The following CYP39A1 variants were observed in gnomAD, a reference collection of about 807,000 sequenced individuals.
CYP39A1 encodes 24-hydroxycholesterol 7-alpha-hydroxylase.
CYP39A1 carries 49 observed loss-of-function variants against 58.1 expected under a neutral mutation model. The ratio of observed to expected loss-of-function variants is 0.84; its 90% CI spans 0.67 to 1.07. The LOEUF (loss-of-function observed/expected upper bound fraction) is 1.07. Among genes scored for constraint, CYP39A1 ranks in the 50% least tolerant of loss-of-function variants. CYP39A1 has a pLI of 0.00. For synonymous variants in CYP39A1, 209 were observed against 187.6 expected, an observed-to-expected ratio of 1.11 and a Z score of -0.93; for missense variants, 531 against 539.4, an observed-to-expected ratio of 0.98 and a Z score of 0.16.
intron 7 of CYP39A1, among the ~76,000 whole-genome samples, chr6:46,597,588 G>A (rs1476429172): frequency 6.6e-6 from 1 of 152,056 alleles, no homozygotes; most frequent in Middle Eastern, 3.2e-3. Context: ...ACATAGGGAG[G>A]TGAATGGGTG....
chr6:46,650,405 C>A (rs1290650099), intron 1 of CYP39A1, among the ~76,000 whole-genome samples: 1 of 146,700 alleles, frequency 6.8e-6, no homozygotes, highest in Non-Finnish European at 1.5e-5. Context: ...TCATACTGCC[C>A]AGATTAAGGG....
intron 10 of CYP39A1, among the ~76,000 whole-genome samples, chr6:46,579,270 T>G (rs1771999742): frequency 1.3e-5 from 2 of 152,098 alleles, no homozygotes; most frequent in Non-Finnish European, 2.9e-5. Flanking sequence ...CATGATCATC[T>G]CAATAGATGC....
At chr6:46,551,805 C>T (rs534923856) in intron 11 of CYP39A1, among the ~76,000 whole-genome samples, 9 of 152,236 alleles carry the variant, frequency 5.9e-5, no homozygotes, top group South Asian at 2.1e-4. Context: ...GGTGATTTGA[C>T]GGCCATTTCC....
chr6:46,610,307 G>A (rs13219874), intron 7 of CYP39A1, among the ~76,000 whole-genome samples: 18,961 of 152,004 alleles, frequency 0.12, 1,223 homozygotes, highest in Middle Eastern at 0.19. Context: ...ATTAAAATCT[G>A]GCCTTAATTA....
intron 7 of CYP39A1, among the ~76,000 whole-genome samples, chr6:46,617,747 T>C (rs1774698044): frequency 6.6e-6 from 1 of 152,086 alleles, no homozygotes; most frequent in South Asian, 2.1e-4. Context: ...GTGCATAAAA[T>C]AGGGCAAACA....
chr6:46,580,767 G>A (rs1003474693), intron 10 of CYP39A1, among the ~76,000 whole-genome samples: 4 of 152,014 alleles, frequency 2.6e-5, no homozygotes, highest in Admixed American at 6.6e-5. Flanking sequence ...ATTACCAATC[G>A]TTAGAGAAAT....
At chr6:46,609,437 A>G (rs866627999) in intron 7 of CYP39A1, among the ~76,000 whole-genome samples, 2 of 152,120 alleles carry the variant, frequency 1.3e-5, no homozygotes, top group South Asian at 2.1e-4. Context: ...AAAGAAAAAA[A>G]AGAAATTTAT....
intron 9 of CYP39A1, among the ~76,000 whole-genome samples, chr6:46,587,731 A>G (rs1772558259): frequency 6.6e-6 from 1 of 152,198 alleles, no homozygotes; most frequent in Admixed American, 6.6e-5. Context: ...CAATTGCCTG[A>G]AGAACATGAA....
At position 46,639,500 on chromosome 6, in the gene CYP39A1, A is replaced by G. The variant is rs921266895; in HGVS notation, c.482T>C (p.Leu161Ser). The change falls in exon 3 of 12, where the codon TTA (leucine) becomes TCA (serine). Residue 161 changes from leucine to serine, a missense_variant. Leu to Ser is a moderately radical substitution (Grantham distance 145, BLOSUM62 -2). Coordinates refer to ENST00000275016, the MANE Select transcript of CYP39A1 (RefSeq NM_016593.5). ...TACTAATGCGTCTATTTACCTTACT[A>G]AGTTGTTCAGGTCCATTGTCCCATG... The part of the protein sequence containing the change: ...GTHGTMDLNN[L>S]VRHLLYPVTV... The G allele has an allele frequency of 6.2e-7, 1 of 1,613,814 alleles. No homozygotes were observed. The highest frequency in any genetic ancestry group is 1.7e-5 in the Admixed American group (1 of 59,966).
intron 7 of CYP39A1, among the ~76,000 whole-genome samples, chr6:46,602,063 A>C (rs1013789245): frequency 7.9e-5 from 12 of 152,188 alleles, no homozygotes; most frequent in Admixed American, 7.2e-4. Flanking sequence ...GAATCTTGTT[A>C]GATCTGTTCT....
At position 46,652,728 on chromosome 6, in the gene CYP39A1, T is replaced by C. The variant is rs1582487609; in HGVS notation, c.-146A>G. 1.5e-6 allele frequency: 1 copy of C among 677,762 alleles called. No homozygotes were observed. Among genetic ancestry groups the C allele is most frequent in the East Asian group, 2.8e-5 (1 of 35,498 alleles). 42.0% of individuals were successfully genotyped at this position (677,762 alleles called of 1,614,324 possible). Reference sequence around the variant, plus strand: ...GCTCTCCTTCGTAACTGTAGCTTCCTTCCTCTGTCCCAGTTTTCAGGTGAT... The same window carrying C: ...GCTCTCCTTCGTAACTGTAGCTTCCCTCCTCTGTCCCAGTTTTCAGGTGAT... On this transcript the variant is annotated 5_prime_UTR_variant, in exon 1 of 12. Transcript: ENST00000275016.
At chr6:46,616,610 C>A (rs1202346077) in intron 7 of CYP39A1, among the ~76,000 whole-genome samples, 2 of 152,020 alleles carry the variant, frequency 1.3e-5, no homozygotes, top group African/African-American at 4.8e-5. Flanking sequence ...GTATCCTCTA[C>A]AAGAATGTAA....
At chr6:46,567,117 C>A (rs1230931832) in intron 10 of CYP39A1, among the ~76,000 whole-genome samples, 1 of 152,066 alleles carries the variant, frequency 6.6e-6, no homozygotes, top group Non-Finnish European at 1.5e-5. Flanking sequence ...TAACTGAAAG[C>A]TTGTACTCTC....
At chr6:46,562,893 T>G (rs1047371005) in intron 10 of CYP39A1, among the ~76,000 whole-genome samples, 1 of 152,046 alleles carries the variant, frequency 6.6e-6, no homozygotes, top group Non-Finnish European at 1.5e-5. Flanking sequence ...CAATTCATAA[T>G]GTACATTTTG....
intron 10 of CYP39A1, among the ~76,000 whole-genome samples, chr6:46,555,093 C>G (rs549751277): frequency 6.6e-6 from 1 of 152,016 alleles, no homozygotes; most frequent in East Asian, 1.9e-4. Flanking sequence ...TCAAACACCA[C>G]AGCAGAATAC....
At chr6:46,609,733 G>A (rs1211782471) in intron 7 of CYP39A1, among the ~76,000 whole-genome samples, 1 of 152,114 alleles carries the variant, frequency 6.6e-6, no homozygotes, top group Non-Finnish European at 1.5e-5. Flanking sequence ...TAAGCTTACT[G>A]TGCTGAGAGA....
rs77769167 is a variant in CYP39A1, at chr6:46,603,469, C to T, written c.932-7349G>A. Among the ~76,000 whole-genome samples the T allele has an allele frequency of 3.4e-4, 52 of 152,274 alleles. No homozygotes were observed. In the East Asian group the frequency reaches 9.3e-3, roughly 27 times the overall value. On this transcript the variant is annotated intron_variant, in intron 7 of 11. Coordinates refer to ENST00000275016, the MANE Select transcript of CYP39A1 (RefSeq NM_016593.5). The stretch of plus-strand genomic sequence containing the variant: ...CACTGATCAAAGACCCAAAAGAATG[C>T]AAGCATTTGCCCCTTTTATCTACCC...
intron 8 of CYP39A1, among the ~76,000 whole-genome samples, chr6:46,594,270 A>G (rs902067159): frequency 6.6e-6 from 1 of 152,152 alleles, no homozygotes; most frequent in Non-Finnish European, 1.5e-5. Context: ...TTTGTGCTCA[A>G]TGGAATTCAA....
chr6:46,561,985 C>G (rs1771001688), intron 10 of CYP39A1, among the ~76,000 whole-genome samples: 1 of 152,064 alleles, frequency 6.6e-6, no homozygotes, highest in South Asian at 2.1e-4. Flanking sequence ...ATGGTGGCTA[C>G]AGTTAATAAC....
Sources: gnomAD v4.1 joint callset for allele counts (sites outside exome capture counted in the v4.1 genomes callset) on GRCh38, gnomAD v4.1.1 for gene constraint, MANE v1.5 for transcripts, NCBI Gene and HGNC (gene_info 2026-07-23, HGNC 2026-07-21) for gene names.